PDE4B: variants seen among roughly 807,000 people sequenced by gnomAD.
PDE4B encodes phosphodiesterase 4B.
In PDE4B, 20 loss-of-function variants were observed where a neutral mutation model predicts 82.2. The observed-to-expected ratio is 0.24, with a 90% CI of 0.17 to 0.35. The LOEUF is 0.35. Ranked by LOEUF, PDE4B falls within the 10% of genes least tolerant of loss-of-function variation. The pLI, the probability that PDE4B is intolerant of heterozygous loss-of-function variation, is 1.00. For missense variants in PDE4B, 655 were observed against 907.2 expected (o/e 0.72, Z 3.57); for synonymous variants, 320 against 318.9 (o/e 1.00, Z -0.04).
At chr1:66,230,098 T>A (rs1243013875) in intron 3 of PDE4B, among the ~76,000 whole-genome samples, 1 of 152,250 alleles carries the variant, frequency 6.6e-6, no homozygotes, top group African/African-American at 2.4e-5. Flanking sequence ...TTCTAAGCAG[T>A]CACTTCCACA....
At chr1:65,887,236 TTC>T (rs1491350976) in intron 1 of PDE4B, among the ~76,000 whole-genome samples, 15 of 19,410 alleles carry the variant, frequency 7.7e-4, no homozygotes, top group African/African-American at 3.4e-3. Flanking sequence ...CTTTCTTTCT[TTC>T]TTTCTTTCTT....
intron 3 of PDE4B, among the ~76,000 whole-genome samples, chr1:66,118,432 A>G (rs368261499): frequency 0.062 from 9,412 of 152,230 alleles, 426 homozygotes; most frequent in South Asian, 0.17. Flanking sequence ...GGACATGGAT[A>G]AAGCTGGAAA....
chr1:65,802,338 C>A (rs1312314948), intron 1 of PDE4B, among the ~76,000 whole-genome samples: 1 of 152,096 alleles, frequency 6.6e-6, no homozygotes, highest in Non-Finnish European at 1.5e-5. Context: ...AATAAAGCTT[C>A]CAGGCATGAC....
intron 3 of PDE4B, among the ~76,000 whole-genome samples, chr1:66,118,630 G>A (rs1645646181): frequency 6.6e-6 from 1 of 152,070 alleles, no homozygotes; most frequent in African/African-American, 2.4e-5. Context: ...ATGAGTTAAT[G>A]GGTGCAGCAC....
chr1:66,109,759 T>G (rs777874244), intron 3 of PDE4B, among the ~76,000 whole-genome samples: 17 of 151,980 alleles, frequency 1.1e-4, no homozygotes, highest in Non-Finnish European at 2.1e-4. Context: ...ATATTGAGTA[T>G]TGGTAGTGAT....
At chr1:66,018,963 A>T (rs1326894247) in intron 3 of PDE4B, among the ~76,000 whole-genome samples, 1 of 152,190 alleles carries the variant, frequency 6.6e-6, no homozygotes, top group Non-Finnish European at 1.5e-5. Flanking sequence ...ATAGAATGAA[A>T]TACCTTATAT....
chr1:66,032,316 C>A (rs1653823106), intron 3 of PDE4B, among the ~76,000 whole-genome samples: 1 of 152,176 alleles, frequency 6.6e-6, no homozygotes, highest in African/African-American at 2.4e-5. Flanking sequence ...ACTCAGAGTA[C>A]AGACTGCTTT....
chr1:66,117,338 C>T (rs1211217164), intron 3 of PDE4B, among the ~76,000 whole-genome samples: 1 of 152,138 alleles, frequency 6.6e-6, no homozygotes, highest in Non-Finnish European at 1.5e-5. Context: ...CGAGAAATTA[C>T]TTCCCACCCT....
intron 8 of PDE4B, among the ~76,000 whole-genome samples, chr1:66,337,699 T>C (rs1224080228): frequency 6.6e-6 from 1 of 152,220 alleles, no homozygotes; most frequent in African/African-American, 2.4e-5. Context: ...TGTATATCTT[T>C]GTATATTTAG....
intron 3 of PDE4B, among the ~76,000 whole-genome samples, chr1:66,102,661 A>G (rs145424585): frequency 1.9e-3 from 289 of 152,240 alleles, no homozygotes; most frequent in Admixed American, 3.9e-3. Context: ...AATACAGGAA[A>G]CAAATATCTT....
In PDE4B at chr1:65,809,054, G is replaced by A. The variant is rs113469764; in HGVS notation, c.-71+15806G>A. 9.4e-3 allele frequency among the ~76,000 whole-genome samples: 1,424 copies of A among 152,112 alleles called. 20 individuals carry two copies. The highest frequency in any genetic ancestry group is 0.032 in the African/African-American group (1,326 of 41,492). ...GTCTTTAGAAATGCAAAATGGGCTG[G>A]GCGTGGTAGCTCATGCCTGTAATCC... is the stretch of plus-strand genomic sequence containing the variant. On this transcript the variant is annotated intron_variant, in intron 1 of 16. Coordinates refer to ENST00000341517, the MANE Select transcript of PDE4B (RefSeq NM_002600.4).
At chr1:65,993,228 T>A (rs370993247) in intron 3 of PDE4B, 1 of 1,026,392 alleles carries the variant, frequency 9.7e-7, no homozygotes, top group Non-Finnish European at 1.4e-6. Context: ...AATGGAACAT[T>A]TGAGTTTTGT....
intron 8 of PDE4B, among the ~76,000 whole-genome samples, chr1:66,339,801 TC>T (rs1660822649): frequency 6.6e-6 from 1 of 152,024 alleles, no homozygotes; most frequent in African/African-American, 2.4e-5. Flanking sequence ...AATACTTTTT[TC>T]TCATCTTTTA....
chr1:66,200,310 G>A (rs1570453479), intron 3 of PDE4B, among the ~76,000 whole-genome samples: 2 of 152,138 alleles, frequency 1.3e-5, no homozygotes, highest in Admixed American at 1.3e-4. Context: ...TTTGGCTTAG[G>A]ATTGACTTGG....
chr1:65,843,667 A>G (rs75705162), intron 1 of PDE4B, among the ~76,000 whole-genome samples: 1,829 of 152,274 alleles, frequency 0.012, 65 homozygotes, highest in East Asian at 0.081. Context: ...GTGTTGAAAG[A>G]CAGGATTTGT....
intron 3 of PDE4B, among the ~76,000 whole-genome samples, chr1:66,083,041 C>T (rs1656821477): frequency 6.6e-6 from 1 of 152,142 alleles, no homozygotes; most frequent in African/African-American, 2.4e-5. Context: ...AAAGTCTCTC[C>T]TTTGCAGTCT....
At chr1:65,911,243 T>C (rs1379765164) in intron 1 of PDE4B, among the ~76,000 whole-genome samples, 1 of 152,208 alleles carries the variant, frequency 6.6e-6, no homozygotes, top group Non-Finnish European at 1.5e-5. Context: ...ATGGCATCTT[T>C]CTACATGTAT....
In PDE4B at chr1:65,809,302, G is replaced by A. The variant is rs544292969; in HGVS notation, c.-71+16054G>A. Among the ~76,000 whole-genome samples the A allele has an allele frequency of 4.3e-5, 5 of 116,656 alleles. No homozygotes were observed. In the East Asian group the frequency reaches 1.3e-3, roughly 30 times the overall value. 76.5% of individuals were successfully genotyped at this position (116,656 alleles called of 152,430 possible). ...ACTGAGATTGCACCACTGCAATCTAGCCTGGGTGACAGAGTGAGACTCCAT... is the reference window on the plus strand; with the variant it reads ...ACTGAGATTGCACCACTGCAATCTAACCTGGGTGACAGAGTGAGACTCCAT... On this transcript the variant is annotated intron_variant, in intron 1 of 16. Transcript: ENST00000341517.
chr1:66,003,031 A>G (rs1020900375), intron 3 of PDE4B, among the ~76,000 whole-genome samples: 2 of 152,104 alleles, frequency 1.3e-5, no homozygotes, highest in Non-Finnish European at 2.9e-5. Context: ...CATTCATATT[A>G]TTGTCAGGGT....
Sources: gnomAD v4.1 joint callset for allele counts (sites outside exome capture counted in the v4.1 genomes callset) on GRCh38, gnomAD v4.1.1 for gene constraint, MANE v1.5 for transcripts, NCBI Gene and HGNC (gene_info 2026-07-23, HGNC 2026-07-21) for gene names.